DPP6: variants seen among roughly 807,000 people sequenced by gnomAD.
The protein encoded by DPP6 is dipeptidyl peptidase like 6.
Under a neutral mutation model 122.6 loss-of-function variants are expected in DPP6, and 69 were observed. The ratio of observed to expected loss-of-function variants is 0.56; its 90% CI spans 0.46 to 0.69. DPP6 has a LOEUF of 0.69. Ranked by LOEUF, DPP6 falls within the 30% of genes least tolerant of loss-of-function variation. The pLI, the probability that DPP6 is intolerant of heterozygous loss-of-function variation, is 0.00. For synonymous variants in DPP6, 418 were observed against 433.1 expected (o/e 0.97, Z 0.43); for missense variants, 928 against 1,116.9 (o/e 0.83, Z 2.41).
intron 1 of DPP6, among the ~76,000 whole-genome samples, chr7:154,397,272 A>C (rs1815174902): frequency 1.3e-5 from 2 of 151,992 alleles, no homozygotes. Context: ...CTCTAGTATA[A>C]AGTGGCTTAC....
chr7:153,916,036 T>A (rs1265250462), intron 1 of DPP6, among the ~76,000 whole-genome samples: 2 of 151,536 alleles, frequency 1.3e-5, no homozygotes, highest in Admixed American at 1.3e-4. Context: ...GCGCGATCTC[T>A]GCTCACTGCA....
At chr7:153,820,843 G>A in the DPP6 span, among the ~76,000 whole-genome samples, 18 of 150,142 alleles carry the variant, frequency 1.2e-4, no homozygotes, top group Admixed American at 2.0e-4. Context: ...ATTGATTGTG[G>A]AAGTTAGTGG....
intron 1 of DPP6, among the ~76,000 whole-genome samples, chr7:154,263,845 C>A (rs1229431226): frequency 6.6e-6 from 1 of 152,094 alleles, no homozygotes; most frequent in East Asian, 1.9e-4. Context: ...TGCCCACTAC[C>A]ACACACGGCT....
intron 1 of DPP6, among the ~76,000 whole-genome samples, chr7:153,934,590 A>T (rs1235016332): frequency 6.6e-6 from 1 of 152,146 alleles, no homozygotes; most frequent in Non-Finnish European, 1.5e-5. Context: ...TCTGTAAAAT[A>T]TAGGGATATG....
At chr7:154,085,213 A>G (rs1804316857) in intron 1 of DPP6, among the ~76,000 whole-genome samples, 1 of 152,228 alleles carries the variant, frequency 6.6e-6, no homozygotes, top group African/African-American at 2.4e-5. Flanking sequence ...TAGTTTCTCC[A>G]TCTGGAATGT....
At position 154,821,228 on chromosome 7, in the gene DPP6, G is replaced by C. The variant is rs910726121; in HGVS notation, c.1666+14116G>C. Among the ~76,000 whole-genome samples, 4 of 151,990 alleles carry C rather than the reference G, an allele frequency of 2.6e-5. No homozygotes were observed. Among genetic ancestry groups the C allele is most frequent in the African/African-American group, 9.7e-5 (4 of 41,360 alleles). On this transcript the variant is annotated intron_variant, in intron 16 of 25. Coordinates refer to ENST00000377770, the MANE Select transcript of DPP6 (RefSeq NM_130797.4). The surrounding 1 kb of genome is among the most constrained non-coding windows in gnomAD (Gnocchi z 4.2). ...TAGCATGAAATGTGTGGCATATGTG[G>C]GTAGGTCTTTATAGCACACATTTTT...
At chr7:154,090,843 G>A (rs1196609278) in intron 1 of DPP6, among the ~76,000 whole-genome samples, 4 of 149,830 alleles carry the variant, frequency 2.7e-5, no homozygotes, top group Admixed American at 6.7e-5. Flanking sequence ...ATTCTGGGCC[G>A]TTTGCGGTGG....
At chr7:154,837,116 C>T (rs1199553442) in intron 16 of DPP6, among the ~76,000 whole-genome samples, 1 of 152,210 alleles carries the variant, frequency 6.6e-6, no homozygotes, top group Non-Finnish European at 1.5e-5. Context: ...TGCACACACA[C>T]ACATGCATGC....
chr7:154,560,409 A>C (rs1489885773), intron 4 of DPP6, among the ~76,000 whole-genome samples: 1 of 152,186 alleles, frequency 6.6e-6, no homozygotes, highest in Admixed American at 6.5e-5. Context: ...GGCAATAATA[A>C]ATCTGATCTA....
At chr7:154,314,547 A>G (rs536564015) in intron 1 of DPP6, among the ~76,000 whole-genome samples, 1 of 152,336 alleles carries the variant, frequency 6.6e-6, no homozygotes, top group Non-Finnish European at 1.5e-5. Flanking sequence ...CAAGATTGGC[A>G]TGTGAAGGTG....
intron 1 of DPP6, among the ~76,000 whole-genome samples, chr7:153,918,978 C>CCA (rs1800506748): frequency 2.2e-5 from 2 of 89,346 alleles, no homozygotes; most frequent in Non-Finnish European, 4.1e-5. Context: ...GACTCTGTCT[C>CCA]AAAAAAAAAA....
chr7:154,131,460 C>T (rs1795281618), intron 1 of DPP6, among the ~76,000 whole-genome samples: 1 of 152,244 alleles, frequency 6.6e-6, no homozygotes, highest in Admixed American at 6.5e-5. Flanking sequence ...TGTCAGAGGC[C>T]CTCATTGCTA....
intron 1 of DPP6, among the ~76,000 whole-genome samples, chr7:154,116,292 T>C (rs993271515): frequency 6.6e-6 from 1 of 152,240 alleles, no homozygotes; most frequent in Non-Finnish European, 1.5e-5. Context: ...TTATATAACT[T>C]AGCTTGTTTT....
chr7:154,233,855 A>T (rs7456519), intron 1 of DPP6, among the ~76,000 whole-genome samples: 6 of 152,080 alleles, frequency 3.9e-5, no homozygotes, highest in African/African-American at 1.5e-4. Flanking sequence ...AAGTAAAAAG[A>T]GAAGCGAAGC....
intron 1 of DPP6, among the ~76,000 whole-genome samples, chr7:154,434,427 C>G (rs896116659): frequency 6.6e-6 from 1 of 152,140 alleles, no homozygotes; most frequent in East Asian, 1.9e-4. Flanking sequence ...GACTGCTGGA[C>G]TCTTCAGCCG....
intron 3 of DPP6, among the ~76,000 whole-genome samples, chr7:154,527,905 C>G (rs1460741162): frequency 6.6e-6 from 1 of 151,610 alleles, no homozygotes; most frequent in Non-Finnish European, 1.5e-5. Flanking sequence ...ATCAGCTGAT[C>G]TATGATACTA....
chr7:154,448,230 G>A (rs1045646421), intron 2 of DPP6, among the ~76,000 whole-genome samples: 7 of 152,236 alleles, frequency 4.6e-5, no homozygotes, highest in Middle Eastern at 6.8e-3. Flanking sequence ...AGTTCAGCAG[G>A]AAGGAAGATT....
intron 1 of DPP6, among the ~76,000 whole-genome samples, chr7:154,042,791 T>C (rs1335341599): frequency 1.3e-5 from 2 of 152,230 alleles, no homozygotes; most frequent in Admixed American, 6.5e-5. Context: ...CAATGGGAGA[T>C]AGAAGAGTCT....
Position 154,433,136 on chromosome 7 carries a change from G to GTTTTTT in DPP6, c.244-13056_244-13051dup, listed in dbSNP as rs548053204. 5.2e-3 allele frequency among the ~76,000 whole-genome samples: 378 copies of GTTTTTT among 72,340 alleles called. 70 individuals are homozygous for GTTTTTT. Among genetic ancestry groups the GTTTTTT allele is most frequent in the African/African-American group, 0.021 (346 of 16,818 alleles). The allele number at this position is 72,340 out of a possible 152,430, so 47.5% of individuals were successfully genotyped here. A position where few individuals can be genotyped will look rare whatever the true frequency, so the allele number is the denominator to read the frequency against. On this transcript the variant is annotated intron_variant, in intron 1 of 25. Coordinates refer to ENST00000377770, the MANE Select transcript of DPP6 (RefSeq NM_130797.4). ...TAATGGCTCTCATACTAGACTGCAA[G>GTTTTTT]TTTTTTTTTTTTTTTTTTTTTTTTT...
Sources: allele counts gnomAD v4.1 joint callset (sites outside exome capture counted in the v4.1 genomes callset), GRCh38; gene constraint gnomAD v4.1.1; non-coding constraint Gnocchi (gnomAD v3.1); transcripts MANE v1.5; gene names NCBI Gene and HGNC (gene_info 2026-07-23, HGNC 2026-07-21).